Variants in EIF3I observed in about 807,000 individuals in gnomAD.
EIF3I encodes TGF-beta receptor-interacting protein 1.
EIF3I carries 20 observed loss-of-function variants against 43.3 expected under a neutral mutation model. That is an observed-to-expected ratio of 0.46 (90% confidence interval 0.32 to 0.67). The LOEUF (loss-of-function observed/expected upper bound fraction) is 0.67, where lower values mean the gene tolerates loss of function less well. EIF3I is among the 30% of genes least tolerant of loss of function. The pLI is 0.03. For missense variants in EIF3I, 279 were observed against 421.4 expected, an observed-to-expected ratio of 0.66 and a Z score of 2.96; for synonymous variants, 167 against 151.7, an observed-to-expected ratio of 1.10 and a Z score of -0.74.
intron 4 of EIF3I, among the ~76,000 whole-genome samples, chr1:32,225,307 T>C (rs1639126176): frequency 6.6e-6 from 1 of 152,206 alleles, no homozygotes; most frequent in Admixed American, 6.5e-5. Context: ...AGGTCTATGC[T>C]GGGTACTGGG....
At chr1:32,231,783 A>C (rs1204288420), downstream of EIF3I, 1 of 153,294 alleles carries the variant, frequency 6.5e-6, no homozygotes. Flanking sequence ...TAAAGGTCCT[A>C]AGGGGCCTGC....
At chr1:32,229,547 C>CTTT (rs1199129615) in intron 9 of EIF3I, among the ~76,000 whole-genome samples, 3 of 104,502 alleles carry the variant, frequency 2.9e-5, no homozygotes, top group Non-Finnish European at 3.9e-5. Context: ...CGTGCCCAGC[C>CTTT]TTTTTTTTTT....
rs1639191214 is a variant in EIF3I, at chr1:32,228,905, G to C, written c.729+89G>C. 5 of 1,215,974 alleles carry C rather than the reference G, an allele frequency of 4.1e-6. No individual in the cohort carries two copies. The African/African-American group carries it at 4.5e-5, about 11-fold the overall frequency. The allele number at this position is 1,215,974 out of a possible 1,614,324, so 75.3% of individuals were successfully genotyped here. On this transcript the variant is annotated intron_variant, in intron 8 of 11. Coordinates refer to ENST00000676679, the Ensembl canonical transcript of EIF3I. ...TCCAGAAGTTGGGCTACAACATTGT[G>C]GGGGAAATGATGTCAGGCAGAGAGG...
At chr1:32,226,063 TTGGGTCAC>T (rs1407081388) in intron 4 of EIF3I, 100 bp from the exon 5 acceptor site, 2 of 1,391,088 alleles carry the variant, frequency 1.4e-6, no homozygotes, top group African/African-American at 1.5e-5. Context: ...CTTTTTAAGT[TTGGGTCAC>T]TGGAGCAAGA....
intron 4 of EIF3I, among the ~76,000 whole-genome samples, chr1:32,225,818 A>G (rs978289348): frequency 5.4e-4 from 82 of 151,880 alleles, no homozygotes; most frequent in Non-Finnish European, 9.0e-4. Context: ...TCAGGAGATC[A>G]AGACCATCCT....
exon 1 of EIF3I, chr1:32,222,410 C>G (rs770539565): frequency 1.3e-6 from 2 of 1,586,580 alleles, no homozygotes; most frequent in South Asian, 2.3e-5. Context: ...CGGTCTTACT[C>G]ACGTTGCGGC....
At chr1:32,233,016 T>C (rs1424227950), downstream of EIF3I, among the ~76,000 whole-genome samples, 1 of 152,204 alleles carries the variant, frequency 6.6e-6, no homozygotes, top group African/African-American at 2.4e-5. Context: ...ATTTATTTAA[T>C]GGAGTCCCAC....
At chr1:32,225,499 T>C (rs1639129013) in intron 4 of EIF3I, among the ~76,000 whole-genome samples, 1 of 151,764 alleles carries the variant, frequency 6.6e-6, no homozygotes, top group South Asian at 2.1e-4. Flanking sequence ...TCCCAGCACT[T>C]TGGGAGGTTG....
chr1:32,232,495 A>G (rs1639252182), downstream of EIF3I, among the ~76,000 whole-genome samples: 1 of 152,206 alleles, frequency 6.6e-6, no homozygotes, highest in South Asian at 2.1e-4. Flanking sequence ...TAGCATACCC[A>G]CTGTGCAAAG....
chr1:32,225,779 T>C (rs1639133694), intron 4 of EIF3I, among the ~76,000 whole-genome samples: 1 of 151,260 alleles, frequency 6.6e-6, no homozygotes, highest in African/African-American at 2.4e-5. Context: ...TCCCAGCACT[T>C]TGGGAGGCTG....
intron 4 of EIF3I, among the ~76,000 whole-genome samples, chr1:32,225,807 G>A (rs1193531979): frequency 6.6e-6 from 1 of 152,002 alleles, no homozygotes; most frequent in Non-Finnish European, 1.5e-5. Flanking sequence ...CGGATCACGG[G>A]TCAGGAGATC....
In EIF3I at chr1:32,228,711, T is replaced by C; in HGVS notation, c.640-16T>C. ...GAAAGCTCTTTACAGATTTCCCCCCTGCCTTCTCTCTCCAGCTTTTTGACT... is the reference window on the plus strand; with the variant it reads ...GAAAGCTCTTTACAGATTTCCCCCCCGCCTTCTCTCTCCAGCTTTTTGACT... On this transcript the variant is annotated splice_polypyrimidine_tract_variant and intron_variant, in intron 7 of 11. Coordinates refer to ENST00000676679, the Ensembl canonical transcript of EIF3I. The C allele has an allele frequency of 6.2e-7, 1 of 1,610,468 alleles. No homozygotes were observed.
chr1:32,231,456 A>C (rs1569865284), downstream of EIF3I: 3 of 351,928 alleles, frequency 8.5e-6, no homozygotes, highest in Admixed American at 4.4e-5. Flanking sequence ...ACGTCATTGC[A>C]CTCCATCCTG....
chr1:32,228,016 T>TA (rs1639173427), intron 6 of EIF3I, among the ~76,000 whole-genome samples: 1 of 152,080 alleles, frequency 6.6e-6, no homozygotes, highest in Admixed American at 6.5e-5. Context: ...GGCGTGTACA[T>TA]TAAACCCTGG....
exon 5 of EIF3I, chr1:32,226,228 T>C (rs758346269): frequency 3.1e-6 from 5 of 1,613,902 alleles, no homozygotes; most frequent in Middle Eastern, 1.6e-4. Context: ...GGTTTTGACT[T>C]TGGGGGCAAC....
At chr1:32,223,242 A>G (rs1209314708) in intron 2 of EIF3I, among the ~76,000 whole-genome samples, 1 of 152,186 alleles carries the variant, frequency 6.6e-6, no homozygotes, top group East Asian at 1.9e-4. Flanking sequence ...ACTCAATGCC[A>G]AACAATCCCT....
Position 32,222,463 on chromosome 1 carries a change from G to A in EIF3I, c.3+19G>A, listed in dbSNP as rs998411505. On this transcript the variant is annotated intron_variant, in intron 1 of 11. Coordinates refer to ENST00000676679, the Ensembl canonical transcript of EIF3I. ...CGGGATGGTGAGTTTCAGAGTTAGG[G>A]GTATTGCAGTGGGGGTCCTGGGCTG... 1.9e-6 allele frequency: 3 copies of A among 1,609,232 alleles called. No homozygotes were observed. Among genetic ancestry groups the A allele is most frequent in the African/African-American group, 2.7e-5 (2 of 74,936 alleles).
downstream of EIF3I, chr1:32,231,408 T>C (rs1372723183): frequency 2.1e-6 from 1 of 471,892 alleles, no homozygotes; most frequent in African/African-American, 2.0e-5. Flanking sequence ...GGAGAATCAC[T>C]TGAACCCAGG....
At chr1:32,224,761 C>G (rs1238463567) in intron 4 of EIF3I, among the ~76,000 whole-genome samples, 1 of 151,366 alleles carries the variant, frequency 6.6e-6, no homozygotes, top group Admixed American at 6.6e-5. Context: ...ACCTCTGTCT[C>G]CCGGGTTCAA....
Sources: allele counts gnomAD v4.1 joint callset (sites outside exome capture counted in the v4.1 genomes callset), GRCh38; gene constraint gnomAD v4.1.1; transcripts MANE v1.5; gene names NCBI Gene and HGNC (gene_info 2026-07-23, HGNC 2026-07-21).